Variants in PRDM9 observed in about 807,000 individuals in gnomAD.
PRDM9 encodes the protein histone-lysine N-methyltransferase PRDM9.
In PRDM9, 47 loss-of-function variants were observed where a neutral mutation model predicts 55.6. The ratio of observed to expected loss-of-function variants is 0.85; its 90% CI spans 0.67 to 1.08. PRDM9 has a LOEUF of 1.08. Among genes scored for constraint, PRDM9 ranks in the 50% least tolerant of loss-of-function variants. The pLI is 0.00. For synonymous variants in PRDM9, 312 were observed against 375.7 expected, an observed-to-expected ratio of 0.83 and a Z score of 1.96; for missense variants, 867 against 1,040.3, an observed-to-expected ratio of 0.83 and a Z score of 2.29.
intron 1 of PRDM9, among the ~76,000 whole-genome samples, chr5:23,508,490 G>T (rs752741585): frequency 7.2e-5 from 11 of 152,056 alleles, no homozygotes; most frequent in Non-Finnish European, 1.5e-4. Flanking sequence ...CTTTACTCCT[G>T]GATTTTTCTA....
At chr5:23,522,131 C>A (rs1329370968) in intron 6 of PRDM9, among the ~76,000 whole-genome samples, 173 bp from the exon 7 acceptor site, 1 of 152,144 alleles carries the variant, frequency 6.6e-6, no homozygotes, top group Non-Finnish European at 1.5e-5. Flanking sequence ...TAGGCATCTG[C>A]AGTCAGTGTG....
intron 1 of PRDM9, among the ~76,000 whole-genome samples, chr5:23,508,579 C>T (rs1478797429): frequency 6.6e-6 from 1 of 152,132 alleles, no homozygotes; most frequent in Non-Finnish European, 1.5e-5. Flanking sequence ...CTCTGCCCCT[C>T]AGTCTGACCC....
Position 23,526,569 on chromosome 5 carries a change from T to C in PRDM9, c.1481T>C (p.Met494Thr). ...MGSCRVGKRI[M>T]EEESRTGQKV... ...AGCTGTAGAGTGGGAAAAAGAATAA[T>C]GGAAGAAGAGTCCAGAACAGGCCAG... Residue 494 changes from methionine to threonine, a missense_variant, in exon 11 of 11, where the codon ATG (methionine) becomes ACG (threonine). Transcript: ENST00000296682. The C allele has an allele frequency of 6.2e-7, 1 of 1,614,120 alleles. No homozygotes were observed. Among genetic ancestry groups the C allele is most frequent in the Non-Finnish European group, 8.5e-7 (1 of 1,180,014 alleles).
intron 5 of PRDM9, among the ~76,000 whole-genome samples, chr5:23,519,438 G>A (rs990874866): frequency 1.7e-4 from 26 of 151,578 alleles, no homozygotes; most frequent in African/African-American, 4.1e-4. Flanking sequence ...GAGTGATCTC[G>A]GCTCACTTTA....
At chr5:23,513,691 C>T (rs940792995) in intron 4 of PRDM9, among the ~76,000 whole-genome samples, 1 of 151,978 alleles carries the variant, frequency 6.6e-6, no homozygotes, top group African/African-American at 2.4e-5. Flanking sequence ...ACCAGCCTGG[C>T]CAGCTTGGTG....
At chr5:23,523,396 T>C in intron 9 of PRDM9, 38 bp downstream of exon 9, 1 of 1,569,030 alleles carries the variant, frequency 6.4e-7, no homozygotes, top group Non-Finnish European at 8.8e-7. Context: ...GAGAGAACCT[T>C]CATCTCTCAC....
chr5:23,516,672 C>T (rs535380389), intron 4 of PRDM9, among the ~76,000 whole-genome samples: 181 of 150,384 alleles, frequency 1.2e-3, no homozygotes, highest in South Asian at 9.5e-3. Context: ...ATGCTCGGCC[C>T]GAATTCATGT....
intron 4 of PRDM9, among the ~76,000 whole-genome samples, chr5:23,516,539 ATTGT>A (rs1257295069): frequency 6.9e-6 from 1 of 144,870 alleles, no homozygotes; most frequent in East Asian, 2.2e-4. Context: ...TGCCTGGATA[ATTGT>A]TTGTATTTTT....
At position 23,521,650 on chromosome 5, in the gene PRDM9, T is replaced by C. The variant is rs529535744; in HGVS notation, c.508+471T>C. Among the ~76,000 whole-genome samples the C allele has an allele frequency of 7.2e-5, 11 of 152,270 alleles. 1 individual carries two copies. The highest frequency in any genetic ancestry group is 1.3e-4 in the Admixed American group (2 of 15,290). On this transcript the variant is annotated intron_variant, in intron 6 of 10. Transcript: ENST00000296682. ...ACCATGTCCAGCCTTGGATACAGTA[T>C]TGAATAGCATGTAAGAACATTAACT...
At chr5:23,524,628 G>T (rs535103392) in intron 10 of PRDM9, 101 bp downstream of exon 10, 1 of 1,537,894 alleles carries the variant, frequency 6.5e-7, no homozygotes, top group Admixed American at 1.8e-5. Context: ...GCCATCTAAA[G>T]TCAGTAAGAT....
intron 5 of PRDM9, among the ~76,000 whole-genome samples, chr5:23,518,843 A>G (rs1482136233): frequency 6.6e-6 from 1 of 152,164 alleles, no homozygotes; most frequent in Non-Finnish European, 1.5e-5. Flanking sequence ...GCTCTTCAGG[A>G]GTCTGGTCCA....
chr5:23,519,134 A>G (rs1739277200), intron 5 of PRDM9, among the ~76,000 whole-genome samples: 1 of 152,142 alleles, frequency 6.6e-6, no homozygotes, highest in African/African-American at 2.4e-5. Flanking sequence ...ATCTCGGCTT[A>G]CTGCAGCCTC....
chr5:23,527,344 G>C lies in PRDM9; in HGVS notation c.2256G>C (p.Glu752Asp), dbSNP rs544181418. 19 of 1,533,112 alleles carry C rather than the reference G, an allele frequency of 1.2e-5. No individual in the cohort carries two copies. In the East Asian group the frequency reaches 4.6e-4, roughly 37 times the overall value. 95.0% of individuals were successfully genotyped at this position (1,533,112 alleles called of 1,614,324 possible). The change falls in exon 11 of 11, where the codon GAG becomes GAC. Residue 752 changes from glutamate to aspartate, a missense_variant. Coordinates refer to ENST00000296682, the MANE Select transcript of PRDM9 (RefSeq NM_020227.4). ...GGGAGAAGCCCTATGTCTGCAGGGAGTGTGGGCGGGGCTTTCGCGATAAGT... is the reference window on the plus strand; with the variant it reads ...GGGAGAAGCCCTATGTCTGCAGGGACTGTGGGCGGGGCTTTCGCGATAAGT... ...HTGEKPYVCR[E>D]CGRGFRDKSH...
chr5:23,514,502 T>A (rs1739163259), intron 4 of PRDM9, among the ~76,000 whole-genome samples: 1 of 151,972 alleles, frequency 6.6e-6, no homozygotes, highest in South Asian at 2.1e-4. Context: ...AGGCTGGAGT[T>A]CAGTGGTGCG....
chr5:23,527,767 T>A lies in PRDM9; in HGVS notation c.2679T>A (p.Asp893Glu). 1 of 1,614,062 alleles carries A rather than the reference T, an allele frequency of 6.2e-7. No homozygotes were observed. Among genetic ancestry groups the A allele is most frequent in the Non-Finnish European group, 8.5e-7 (1 of 1,179,992 alleles). ...AGAAGCCCTACGTCTGCAGGGAGGA[T>A]GAGTAAGTCATTAGTAATAAAACCT... ...TGEKPYVCREDE is the reference protein window; with the variant it reads ...TGEKPYVCREEE The change falls in exon 11 of 11, where the codon GAT becomes GAA. Residue 893 changes from aspartate to glutamate, a missense_variant. This residue lies in a region of PRDM9 where 86 missense variants were observed against 73.6 expected (regional missense o/e 1.17). Transcript: ENST00000296682.
Position 23,527,907 on chromosome 5 carries a change from G to C in PRDM9, c.*134G>C. 10 of 1,146,686 alleles carry C rather than the reference G, an allele frequency of 8.7e-6. No individual in the cohort carries two copies. Among genetic ancestry groups the C allele is most frequent in the Non-Finnish European group, 1.3e-5 (10 of 786,296 alleles). 71.0% of individuals were successfully genotyped at this position (1,146,686 alleles called of 1,614,324 possible). A position where few individuals can be genotyped will look rare whatever the true frequency, so the allele number is the denominator to read the frequency against. On this transcript the variant is annotated 3_prime_UTR_variant, in exon 11 of 11. Coordinates refer to ENST00000296682, the MANE Select transcript of PRDM9 (RefSeq NM_020227.4). ...CTTATATTCCCCGAGAGTATAAAGA[G>C]ATCGGAAATAACTGATTAAACAAAT...
At chr5:23,516,455 C>A (rs1441355921) in intron 4 of PRDM9, among the ~76,000 whole-genome samples, 1 of 151,666 alleles carries the variant, frequency 6.6e-6, no homozygotes, top group African/African-American at 2.4e-5. Flanking sequence ...TCACTGCAAG[C>A]TCCACTTCCC....
Position 23,527,723 on chromosome 5 carries a change from C to T in PRDM9, c.2635C>T (p.Gln879Ter), listed in dbSNP as rs201785095. 15 of 1,613,452 alleles carry T rather than the reference C, an allele frequency of 9.3e-6. No individual in the cohort carries two copies. The highest frequency in any genetic ancestry group is 5.3e-5 in the African/African-American group (4 of 74,830). The change falls in exon 11 of 11, where the codon CAG becomes TAG. Residue 879 changes from glutamine (Q) to a stop codon, truncating the protein, a stop_gained. Coordinates refer to ENST00000296682, the MANE Select transcript of PRDM9 (RefSeq NM_020227.4). LOFTEE classifies it low-confidence loss of function (END_TRUNC). ...CGATAGGTCAAGCCTCTGCTATCAC[C>T]AGAGGACACACACAGGGGAGAAGCC... ...FSDRSSLCYH[Q>*]RTHTGEKPYV...
At chr5:23,516,496 T>C (rs1448125115) in intron 4 of PRDM9, among the ~76,000 whole-genome samples, 3 of 146,664 alleles carry the variant, frequency 2.0e-5, no homozygotes, top group East Asian at 4.3e-4. Context: ...CCTCAGCCTC[T>C]CGAGTAGCTG....
Sources: allele counts gnomAD v4.1 joint callset (sites outside exome capture counted in the v4.1 genomes callset), GRCh38; gene constraint gnomAD v4.1.1; regional missense constraint gnomAD v4.1.1; transcripts MANE v1.5; gene names NCBI Gene and HGNC (gene_info 2026-07-23, HGNC 2026-07-21).